PLCB1: variants seen among roughly 807,000 people sequenced by gnomAD.
PLCB1 encodes the protein 1-phosphatidylinositol 4,5-bisphosphate phosphodiesterase beta-1.
PLCB1 carries 46 observed loss-of-function variants against 161.8 expected under a neutral mutation model. The ratio of observed to expected loss-of-function variants is 0.28; its 90% CI spans 0.22 to 0.36. The LOEUF is 0.36. Among genes scored for constraint, PLCB1 ranks in the 10% least tolerant of loss-of-function variants. The pLI is 1.00. For missense variants in PLCB1, 1,016 were observed against 1,472.5 expected (o/e 0.69, Z 5.07); for synonymous variants, 517 against 503.7 (o/e 1.03, Z -0.35).
At chr20:8,368,798 T>G (rs1378489301) in intron 2 of PLCB1, among the ~76,000 whole-genome samples, 1 of 152,106 alleles carries the variant, frequency 6.6e-6, no homozygotes, top group African/African-American at 2.4e-5. Flanking sequence ...GGTTGTAGTT[T>G]TCTGCACACA....
intron 2 of PLCB1, among the ~76,000 whole-genome samples, chr20:8,214,859 T>TGAATA (rs1979033187): frequency 6.6e-6 from 1 of 152,102 alleles, no homozygotes; most frequent in Non-Finnish European, 1.5e-5. Context: ...TAAGTGCTAC[T>TGAATA]CCTGAAGTTA....
intron 3 of PLCB1, among the ~76,000 whole-genome samples, chr20:8,588,188 C>A (rs1987047105): frequency 6.6e-6 from 1 of 152,186 alleles, no homozygotes; most frequent in Non-Finnish European, 1.5e-5. Context: ...TAAAACACAG[C>A]TTCTTACACA....
chr20:8,831,954 CTTTCTTTCTTTCTTTCTTTCTTTCT>C (rs1986024577), intron 31 of PLCB1, among the ~76,000 whole-genome samples: 1 of 92,628 alleles, frequency 1.1e-5, no homozygotes. Flanking sequence ...TTCTTTCTTT[CTTTCTTTCTTTCTTTCTTTCTTTCT>C]TTCCTTCTTT....
intron 3 of PLCB1, among the ~76,000 whole-genome samples, chr20:8,379,757 A>G (rs2662991): frequency 0.54 from 82,505 of 152,014 alleles, 23,003 homozygotes; most frequent in African/African-American, 0.67. Context: ...CTTCTTTTGG[A>G]AAGTGTCTGT....
At chr20:8,230,280 A>G (rs1039215403) in intron 2 of PLCB1, among the ~76,000 whole-genome samples, 1 of 152,034 alleles carries the variant, frequency 6.6e-6, no homozygotes, top group African/African-American at 2.4e-5. Flanking sequence ...ATATGTGTAC[A>G]TATTTGGGAT....
intron 26 of PLCB1, among the ~76,000 whole-genome samples, chr20:8,769,190 T>C (rs2146197169): frequency 6.6e-6 from 1 of 152,322 alleles, no homozygotes; most frequent in African/African-American, 2.4e-5. Context: ...AGATATTTAG[T>C]GAGCATTAAC....
intron 31 of PLCB1, among the ~76,000 whole-genome samples, chr20:8,842,630 C>G (rs532578512): frequency 6.6e-6 from 1 of 152,094 alleles, no homozygotes; most frequent in Non-Finnish European, 1.5e-5. Flanking sequence ...ACTGAGCTCC[C>G]GGAGTGAGCA....
At chr20:8,193,600 G>A (rs2051993289) in intron 2 of PLCB1, among the ~76,000 whole-genome samples, 1 of 151,984 alleles carries the variant, frequency 6.6e-6, no homozygotes, top group South Asian at 2.1e-4. Flanking sequence ...GGAGACAAGG[G>A]TGGGTGTGAA....
intron 2 of PLCB1, among the ~76,000 whole-genome samples, chr20:8,331,831 T>A (rs2122194139): frequency 6.6e-6 from 1 of 152,366 alleles, no homozygotes; most frequent in East Asian, 1.9e-4. Context: ...TTTTTGTGTT[T>A]GCTTCATATG....
At chr20:8,146,639 T>G (rs1468492757) in intron 1 of PLCB1, among the ~76,000 whole-genome samples, 1 of 152,234 alleles carries the variant, frequency 6.6e-6, no homozygotes, top group Non-Finnish European at 1.5e-5. Flanking sequence ...AATGTTAATG[T>G]TGATTCCAGT....
At chr20:8,866,174 A>T (rs1335354770) in intron 31 of PLCB1, among the ~76,000 whole-genome samples, 1 of 152,170 alleles carries the variant, frequency 6.6e-6, no homozygotes, top group Non-Finnish European at 1.5e-5. Flanking sequence ...ACATCACCAC[A>T]CTTACGTGAC....
chr20:8,606,599 G>A (rs954424508), intron 3 of PLCB1, among the ~76,000 whole-genome samples: 1 of 152,160 alleles, frequency 6.6e-6, no homozygotes, highest in Non-Finnish European at 1.5e-5. Context: ...ATATGCTAGT[G>A]TCTTTTTTAG....
intron 31 of PLCB1, among the ~76,000 whole-genome samples, chr20:8,868,692 C>T (rs1987510041): frequency 6.6e-6 from 1 of 152,166 alleles, no homozygotes; most frequent in African/African-American, 2.4e-5. Context: ...AGTGCAGTGG[C>T]ACCATCTTGG....
chr20:8,148,487 A>T (rs1241668642), intron 1 of PLCB1, among the ~76,000 whole-genome samples: 1 of 152,210 alleles, frequency 6.6e-6, no homozygotes, highest in East Asian at 1.9e-4. Context: ...ATATCAGCAT[A>T]AAACAGAATG....
At chr20:8,311,118 A>G (rs1466197771) in intron 2 of PLCB1, among the ~76,000 whole-genome samples, 1 of 151,992 alleles carries the variant, frequency 6.6e-6, no homozygotes, top group Non-Finnish European at 1.5e-5. Context: ...TTTTGTTAGG[A>G]GTTTAGGTTA....
rs548249957 is a variant in PLCB1, at chr20:8,556,168, C to T, written c.247-72126C>T. 7.9e-5 allele frequency among the ~76,000 whole-genome samples: 12 copies of T among 152,042 alleles called. No individual in the cohort carries two copies. In the South Asian group the frequency reaches 1.0e-3, roughly 13 times the overall value. On this transcript the variant is annotated intron_variant, in intron 3 of 31. Coordinates refer to ENST00000338037, the MANE Select transcript of PLCB1 (RefSeq NM_015192.4). ...AGCATGGCAGCAGTAGGAAAGATGG[C>T]GGCCACATTCTCTCTATGGGTACCT... is the stretch of plus-strand genomic sequence containing the variant.
At chr20:8,521,595 T>C (rs1017815204) in intron 3 of PLCB1, among the ~76,000 whole-genome samples, 38 of 152,090 alleles carry the variant, frequency 2.5e-4, no homozygotes, top group African/African-American at 8.9e-4. Flanking sequence ...TCCCAGTTAC[T>C]TGGGAGGCTG....
chr20:8,179,908 G>GA (rs2051822567), intron 2 of PLCB1, among the ~76,000 whole-genome samples: 1 of 129,340 alleles, frequency 7.7e-6, no homozygotes, highest in Non-Finnish European at 1.6e-5. Context: ...GCCCAGGCTG[G>GA]AGTGCAGTGG....
At chr20:8,770,542 G>T (rs1221119560) in intron 26 of PLCB1, among the ~76,000 whole-genome samples, 1 of 152,156 alleles carries the variant, frequency 6.6e-6, no homozygotes, top group Admixed American at 6.5e-5. Context: ...GATGACATGT[G>T]CCCAAGGTGT....
Sources: allele counts gnomAD v4.1 joint callset (sites outside exome capture counted in the v4.1 genomes callset), GRCh38; gene constraint gnomAD v4.1.1; transcripts MANE v1.5; gene names NCBI Gene and HGNC (gene_info 2026-07-23, HGNC 2026-07-21).